EPS15L1: variants seen among roughly 807,000 people sequenced by gnomAD.
EPS15L1 encodes the protein epidermal growth factor receptor pathway substrate 15 like 1.
In EPS15L1, 43 loss-of-function variants were observed where a neutral mutation model predicts 117.1. The ratio of observed to expected loss-of-function variants is 0.37; its 90% CI spans 0.29 to 0.47. The LOEUF is 0.47. Among genes scored for constraint, EPS15L1 ranks in the 20% least tolerant of loss-of-function variants. The probability of loss-of-function intolerance (pLI) is 0.99; values close to 1 mark genes in which losing one functional copy is unlikely to be tolerated. For missense variants in EPS15L1, 981 were observed against 1,164.0 expected, an observed-to-expected ratio of 0.84 and a Z score of 2.29; for synonymous variants, 459 against 470.5, an observed-to-expected ratio of 0.98 and a Z score of 0.32.
chr19:16,460,502 T>C (rs1016575422), intron 1 of EPS15L1, among the ~76,000 whole-genome samples: 1 of 152,156 alleles, frequency 6.6e-6, no homozygotes, highest in African/African-American at 2.4e-5. Context: ...CAACTGACTA[T>C]AAATGCCAAC....
chr19:16,421,200 G>T, intron 10 of EPS15L1, 119 bp downstream of exon 10: 1 of 1,166,310 alleles, frequency 8.6e-7, no homozygotes. Context: ...AAGGACGCCA[G>T]ACACAGCGGA....
intron 22 of EPS15L1, among the ~76,000 whole-genome samples, chr19:16,367,828 T>C (rs2092159780): frequency 7.7e-6 from 1 of 129,218 alleles, no homozygotes; most frequent in South Asian, 2.5e-4. Flanking sequence ...TTGCAAACCA[T>C]AAAAACGGTG....
intron 1 of EPS15L1, among the ~76,000 whole-genome samples, chr19:16,453,960 T>TA (rs1440522000): frequency 6.6e-6 from 1 of 151,298 alleles, no homozygotes; most frequent in Non-Finnish European, 1.5e-5. Flanking sequence ...GCGTCAGGTT[T>TA]AAGTGTGACA....
intron 22 of EPS15L1, among the ~76,000 whole-genome samples, chr19:16,372,665 C>G (rs1232144303): frequency 2.6e-5 from 4 of 152,242 alleles, no homozygotes; most frequent in Non-Finnish European, 5.9e-5. Context: ...ATGGCAGAAG[C>G]CTGCGTCCCG....
rs2092381942 is a variant in EPS15L1, at chr19:16,383,215, G to A, written c.2247+1914C>T. On this transcript the variant is annotated intron_variant, in intron 21 of 23. Transcript: ENST00000455140. The surrounding 1 kb of genome is among the most constrained non-coding windows in gnomAD (Gnocchi z 5.2). Reference sequence around the variant, plus strand: ...CTGTCCTGGCCCGGCACCGCCAATAGGAAGTGAGACCGGCTCTGAAATCAC... The same window carrying A: ...CTGTCCTGGCCCGGCACCGCCAATAAGAAGTGAGACCGGCTCTGAAATCAC... 1 of 152,176 alleles carries A rather than the reference G, an allele frequency of 6.6e-6. No individual in the cohort carries two copies. The highest frequency in any genetic ancestry group is 1.5e-5 in the Non-Finnish European group (1 of 68,048). 9.4% of individuals were successfully genotyped at this position (152,176 alleles called of 1,614,324 possible). A position where few individuals can be genotyped will look rare whatever the true frequency, so the allele number is the denominator to read the frequency against.
Position 16,371,042 on chromosome 19 carries a change from C to T in EPS15L1, c.2380+6080G>A, listed in dbSNP as rs554530225. Among the ~76,000 whole-genome samples, 35 of 152,342 alleles carry T rather than the reference C, an allele frequency of 2.3e-4. No individual in the cohort carries two copies. Among genetic ancestry groups the T allele is most frequent in the African/African-American group, 6.7e-4 (28 of 41,570 alleles). On this transcript the variant is annotated intron_variant, in intron 22 of 23. Transcript: ENST00000455140. This position sits in a 1 kb window ranked among gnomAD's most constrained non-coding sequence, Gnocchi z 4.7. ...CACCGGATTATCTCTCTGAGATCAT[C>T]GTGGGAACGAAATTGAAGTAGTTAA...
chr19:16,436,599 T>A (rs901453366), intron 6 of EPS15L1: 3 of 231,080 alleles, frequency 1.3e-5, no homozygotes, highest in African/African-American at 2.3e-5. Flanking sequence ...CTATTCTGAA[T>A]AACCAACACA....
At chr19:16,394,284 T>G (rs1031021058) in intron 17 of EPS15L1, among the ~76,000 whole-genome samples, 6 of 151,946 alleles carry the variant, frequency 3.9e-5, no homozygotes, top group Non-Finnish European at 8.8e-5. Context: ...AGACACAGAG[T>G]GGGCTAGAAT....
chr19:16,401,922 A>G, intron 16 of EPS15L1: 2 of 1,009,334 alleles, frequency 2.0e-6, no homozygotes, highest in Non-Finnish European at 2.4e-6. Context: ...ACATAGACAC[A>G]TGCCCCTCAG....
intron 7 of EPS15L1, among the ~76,000 whole-genome samples, chr19:16,434,006 C>T (rs1208601686): frequency 6.7e-6 from 1 of 150,146 alleles, no homozygotes; most frequent in East Asian, 1.9e-4. Flanking sequence ...TAGACACAGA[C>T]ACACATTCCC....
intron 1 of EPS15L1, among the ~76,000 whole-genome samples, chr19:16,465,563 G>C (rs2093297025): frequency 6.6e-6 from 1 of 152,166 alleles, no homozygotes; most frequent in Non-Finnish European, 1.5e-5. Flanking sequence ...CATGCCTGTA[G>C]TCTCAGTTCC....
chr19:16,452,512 C>G (rs537741861), intron 1 of EPS15L1, among the ~76,000 whole-genome samples: 1 of 150,304 alleles, frequency 6.7e-6, no homozygotes, highest in East Asian at 2.0e-4. Context: ...CCCAGCTACT[C>G]GAGAAGCTAA....
chr19:16,423,505 G>A lies in EPS15L1; in HGVS notation c.792+1578C>T, dbSNP rs150512248. Among the ~76,000 whole-genome samples, 342 of 152,004 alleles carry A rather than the reference G, an allele frequency of 2.2e-3. 1 individual carries two copies. The highest frequency in any genetic ancestry group is 4.1e-3 in the Non-Finnish European group (278 of 67,952). The stretch of plus-strand genomic sequence containing the variant: ...GGATCACTTGAGCCCAGGAGGTTGA[G>A]ATAGCAATGAGCCGTGATTGCACCA... On this transcript the variant is annotated intron_variant, in intron 9 of 23. Transcript: ENST00000455140.
Position 16,413,698 on chromosome 19 carries a change from C to A in EPS15L1, c.1266+75G>T. On this transcript the variant is annotated intron_variant, in intron 13 of 23. Coordinates refer to ENST00000455140, the MANE Select transcript of EPS15L1 (RefSeq NM_001258374.3). ...GGCAGACCCCTGCCCTTCCCCACCA[C>A]CAGCCAGGGAGGGAAGTTTTCCTGA... 2.4e-6 allele frequency: 3 copies of A among 1,263,652 alleles called. No individual in the cohort carries two copies. In the Admixed American group the frequency reaches 5.1e-5, roughly 22 times the overall value. The allele number at this position is 1,263,652 out of a possible 1,614,324, so 78.3% of individuals were successfully genotyped here.
chr19:16,393,877 G>A, intron 18 of EPS15L1, 74 bp downstream of exon 18: 1 of 1,443,804 alleles, frequency 6.9e-7, no homozygotes, highest in South Asian at 1.1e-5. Flanking sequence ...GTGGACACAA[G>A]TCCCACCACA....
rs568713855 is a variant in EPS15L1, at chr19:16,421,138, T to G, written c.950+181A>C. Among the ~76,000 whole-genome samples, 6 of 152,366 alleles carry G rather than the reference T, an allele frequency of 3.9e-5. No individual in the cohort carries two copies. In the South Asian group the frequency reaches 1.2e-3, roughly 32 times the overall value. On this transcript the variant is annotated intron_variant, in intron 10 of 23. Coordinates refer to ENST00000455140, the MANE Select transcript of EPS15L1 (RefSeq NM_001258374.3). ...AACTGACCGTCACGGAGCGCGGGCT[T>G]CGAGCCTTGGCACGTGCACCTTGCT...
chr19:16,434,358 C>T lies in EPS15L1; in HGVS notation c.498+7G>A, dbSNP rs765060849. On this transcript the variant is annotated splice_region_variant and intron_variant, in intron 7 of 23. Transcript: ENST00000455140. The stretch of plus-strand genomic sequence containing the variant: ...GTGCAGAAGAACCAAGCCCGTGGCC[C>T]ACTTACCCTGCCCAGGACATCAAGA... The T allele has an allele frequency of 3.1e-6, 5 of 1,613,284 alleles. No individual in the cohort carries two copies. The highest frequency in any genetic ancestry group is 2.5e-6 in the Non-Finnish European group (3 of 1,179,684).
intron 22 of EPS15L1, among the ~76,000 whole-genome samples, chr19:16,372,456 A>C (rs2092238388): frequency 6.6e-6 from 1 of 152,222 alleles, no homozygotes; most frequent in Non-Finnish European, 1.5e-5. Flanking sequence ...CCAAACTCAC[A>C]TTTGGTCCTG....
At chr19:16,426,357 A>G (rs2092872372) in intron 8 of EPS15L1, among the ~76,000 whole-genome samples, 2 of 152,212 alleles carry the variant, frequency 1.3e-5, no homozygotes. Flanking sequence ...CGTTGAAACC[A>G]GGCATGGTGG....
Sources: allele counts gnomAD v4.1 joint callset (sites outside exome capture counted in the v4.1 genomes callset), GRCh38; gene constraint gnomAD v4.1.1; non-coding constraint Gnocchi (gnomAD v3.1); transcripts MANE v1.5; gene names NCBI Gene and HGNC (gene_info 2026-07-23, HGNC 2026-07-21).